Variants in SMAD6 observed in about 807,000 individuals in gnomAD.
SMAD6 encodes the protein SMAD family member 6.
Under a neutral mutation model 39.4 loss-of-function variants are expected in SMAD6, and 103 were observed. The observed-to-expected ratio is 2.62, with a 90% CI of 2.23 to 3.08. The LOEUF (loss-of-function observed/expected upper bound fraction) is 3.08, where lower values mean the gene tolerates loss of function less well. SMAD6 is among the 30% of genes most tolerant of loss of function. The pLI, the probability that SMAD6 is intolerant of heterozygous loss-of-function variation, is 0.00. For missense variants in SMAD6, 1,104 were observed against 742.9 expected (o/e 1.49, Z -5.65); for synonymous variants, 445 against 353.3 (o/e 1.26, Z -2.91).
At chr15:66,751,702 G>A (rs1456117508) in intron 3 of SMAD6, among the ~76,000 whole-genome samples, 1 of 152,248 alleles carries the variant, frequency 6.6e-6, no homozygotes, top group East Asian at 1.9e-4. Flanking sequence ...GTGGGTCATT[G>A]TGCCAGATGT....
At chr15:66,705,623 TTC>T (rs1893095288) in intron 1 of SMAD6, 1 of 152,220 alleles carries the variant, frequency 6.6e-6, no homozygotes, top group African/African-American at 2.4e-5. Context: ...GGCAGGTGTA[TTC>T]TCTTTCGCCA....
At chr15:66,743,266 C>T (rs899004344) in intron 3 of SMAD6, among the ~76,000 whole-genome samples, 1 of 152,190 alleles carries the variant, frequency 6.6e-6, no homozygotes, top group African/African-American at 2.4e-5. Flanking sequence ...GGGTAGTTAT[C>T]TCCCAGGGCA....
intron 2 of SMAD6, among the ~76,000 whole-genome samples, chr15:66,716,045 A>G (rs1361118726): frequency 6.6e-6 from 1 of 152,204 alleles, no homozygotes; most frequent in Non-Finnish European, 1.5e-5. Flanking sequence ...CAAGAATTTT[A>G]ATGGTTGTAA....
intron 3 of SMAD6, 107 bp from the exon 4 acceptor site, chr15:66,780,890 A>T (rs72758531): frequency 0.013 from 14,495 of 1,156,754 alleles, 119 homozygotes; most frequent in Non-Finnish European, 0.015. Flanking sequence ...AATGCTGGAA[A>T]CCTTACCCAG....
intron 3 of SMAD6, 120 bp from the exon 4 acceptor site, chr15:66,780,877 C>T: frequency 1.0e-6 from 1 of 988,470 alleles, no homozygotes; most frequent in Non-Finnish European, 1.5e-6. Flanking sequence ...CACATGACTG[C>T]TGAATGCTGG....
At chr15:66,778,638 G>A (rs1894507359) in intron 3 of SMAD6, among the ~76,000 whole-genome samples, 1 of 152,140 alleles carries the variant, frequency 6.6e-6, no homozygotes, top group Non-Finnish European at 1.5e-5. Context: ...TTACATATAG[G>A]GAAACTGAGG....
Position 66,747,336 on chromosome 15 carries a change from C to T in SMAD6, c.952+30838C>T, listed in dbSNP as rs113682384. On this transcript the variant is annotated intron_variant, in intron 3 of 3. Coordinates refer to ENST00000288840, the MANE Select transcript of SMAD6 (RefSeq NM_005585.5). This position sits in a 1 kb window ranked among gnomAD's most constrained non-coding sequence, Gnocchi z 4.5. ...CCTTCCCCATGAGCGCCTTACCTGCCGGTGCTAAGGAGCCTGGCTTTGATT... is the reference window on the plus strand; with the variant it reads ...CCTTCCCCATGAGCGCCTTACCTGCTGGTGCTAAGGAGCCTGGCTTTGATT... Among the ~76,000 whole-genome samples the T allele has an allele frequency of 3.6e-3, 548 of 152,368 alleles. 2 individuals carry two copies. The highest frequency in any genetic ancestry group is 6.8e-3 in the Middle Eastern group (2 of 294).
intron 3 of SMAD6, among the ~76,000 whole-genome samples, chr15:66,759,342 GA>G (rs1418798948): frequency 1.3e-5 from 2 of 148,372 alleles, no homozygotes; most frequent in African/African-American, 2.6e-5. Context: ...GAGGAAGAGA[GA>G]GAGAGAGAGA....
chr15:66,760,809 C>T lies in SMAD6; in HGVS notation c.953-20188C>T, dbSNP rs78676793. ...GCCTGGCGCTGGGACCAACCACGTC[C>T]GTCTCATGCTAGGAAGTTGACTTGG... On this transcript the variant is annotated intron_variant, in intron 3 of 3. Transcript: ENST00000288840. Among the ~76,000 whole-genome samples, 1,407 of 152,294 alleles carry T rather than the reference C, an allele frequency of 9.2e-3. 26 individuals carry two copies. The highest frequency in any genetic ancestry group is 0.031 in the African/African-American group (1,284 of 41,552).
intron 1 of SMAD6, among the ~76,000 whole-genome samples, chr15:66,709,019 C>T (rs1893176950): frequency 6.6e-6 from 1 of 152,190 alleles, no homozygotes; most frequent in Non-Finnish European, 1.5e-5. Flanking sequence ...CATGTGTGGC[C>T]TTGGGCAGGT....
chr15:66,708,847 G>T, intron 1 of SMAD6: 1 of 440,922 alleles, frequency 2.3e-6, no homozygotes, highest in Middle Eastern at 5.8e-4. Context: ...TTAGATGGTG[G>T]TTGATGGTTG....
chr15:66,768,845 T>C (rs1412952590), intron 3 of SMAD6, among the ~76,000 whole-genome samples: 1 of 152,208 alleles, frequency 6.6e-6, no homozygotes, highest in African/African-American at 2.4e-5. Flanking sequence ...GCACCTCTGT[T>C]AGGCGACATA....
At chr15:66,704,226 A>G in intron 1 of SMAD6, 151 bp downstream of exon 1, 1 of 498,306 alleles carries the variant, frequency 2.0e-6, no homozygotes. Flanking sequence ...GGCGCCTCAG[A>G]CCGGCCGAGG....
In SMAD6 at chr15:66,781,346, C is replaced by G; in HGVS notation, c.1302C>G (p.Tyr434Ter). The G allele has an allele frequency of 1.9e-6, 3 of 1,599,158 alleles. No homozygotes were observed. Among genetic ancestry groups the G allele is most frequent in the South Asian group, 1.1e-5 (1 of 90,842 alleles). Reference protein sequence around the residue: ...ALVVRKVPPGYSIKVFDFERS... With the variant: ...ALVVRKVPPG Reference sequence around the variant, plus strand: ...TCGTGCGCAAGGTGCCCCCCGGCTACTCCATCAAGGTGTTCGACTTCGAGC... The same window carrying G: ...TCGTGCGCAAGGTGCCCCCCGGCTAGTCCATCAAGGTGTTCGACTTCGAGC... Residue 434 changes from tyrosine (Y) to a stop codon, truncating the protein, a stop_gained, in exon 4 of 4, where the codon TAC becomes TAG. Coordinates refer to ENST00000288840, the MANE Select transcript of SMAD6 (RefSeq NM_005585.5). LOFTEE classifies it high-confidence loss of function.
intron 3 of SMAD6, among the ~76,000 whole-genome samples, chr15:66,755,245 G>A (rs940570993): frequency 4.6e-5 from 7 of 152,176 alleles, no homozygotes; most frequent in African/African-American, 1.7e-4. Flanking sequence ...ACCAGTTTGA[G>A]GATCCAGCAG....
At chr15:66,724,627 G>A (rs1372983179) in intron 3 of SMAD6, among the ~76,000 whole-genome samples, 2 of 152,150 alleles carry the variant, frequency 1.3e-5, no homozygotes, top group African/African-American at 2.4e-5. Context: ...GTCTGATAAG[G>A]CACCCTTGCT....
In SMAD6 at chr15:66,747,408, C is replaced by T. The variant is rs1398997739; in HGVS notation, c.952+30910C>T. On this transcript the variant is annotated intron_variant, in intron 3 of 3. Coordinates refer to ENST00000288840, the MANE Select transcript of SMAD6 (RefSeq NM_005585.5). The surrounding 1 kb of genome is among the most constrained non-coding windows in gnomAD (Gnocchi z 4.5). The stretch of plus-strand genomic sequence containing the variant: ...AGGCTCTGGCCAGACTCTGCTTCCC[C>T]GTGGGGAACTAAGCCTGCTCCTCCC... 2.0e-5 allele frequency among the ~76,000 whole-genome samples: 3 copies of T among 152,356 alleles called. No individual in the cohort carries two copies. Among genetic ancestry groups the T allele is most frequent in the East Asian group, 1.9e-4 (1 of 5,176 alleles).
intron 3 of SMAD6, among the ~76,000 whole-genome samples, chr15:66,718,722 T>TA (rs1331161512): frequency 6.6e-6 from 1 of 152,144 alleles, no homozygotes; most frequent in Non-Finnish European, 1.5e-5. Context: ...GTCCTGTGGG[T>TA]TAAGCTGCCC....
intron 3 of SMAD6, among the ~76,000 whole-genome samples, chr15:66,729,212 A>C (rs1350835765): frequency 1.3e-5 from 2 of 152,122 alleles, no homozygotes; most frequent in Admixed American, 1.3e-4. Context: ...GACAAAACTG[A>C]GTCCTGTCCC....
Sources: gnomAD v4.1 joint callset for allele counts (sites outside exome capture counted in the v4.1 genomes callset) on GRCh38, gnomAD v4.1.1 for gene constraint, Gnocchi (gnomAD v3.1) non-coding constraint, MANE v1.5 for transcripts, NCBI Gene and HGNC (gene_info 2026-07-23, HGNC 2026-07-21) for gene names.